Variants in RPS6KA1 observed in about 807,000 individuals in gnomAD.
RPS6KA1 encodes the protein ribosomal protein S6 kinase alpha-1.
Under a neutral mutation model 91.3 loss-of-function variants are expected in RPS6KA1, and 48 were observed. The ratio of observed to expected loss-of-function variants is 0.53; its 90% CI spans 0.42 to 0.67. The LOEUF is 0.67. Ranked by LOEUF, RPS6KA1 falls within the 30% of genes least tolerant of loss-of-function variation. RPS6KA1 has a pLI of 0.00. For missense variants in RPS6KA1, 719 were observed against 960.5 expected (o/e 0.75, Z 3.32); for synonymous variants, 359 against 384.7 (o/e 0.93, Z 0.78).
chr1:26,543,015 C>T (rs761325950), intron 2 of RPS6KA1: 35 of 836,892 alleles, frequency 4.2e-5, no homozygotes, highest in Non-Finnish European at 6.1e-5. Context: ...TATAGAGGAG[C>T]CTGACCCATC....
In RPS6KA1 at chr1:26,555,368, C is replaced by T; in HGVS notation, c.827+147C>T. The T allele has an allele frequency of 9.9e-7, 1 of 1,009,722 alleles. No individual in the cohort carries two copies. The allele number at this position is 1,009,722 out of a possible 1,614,324, so 62.5% of individuals were successfully genotyped here. ...GGTTAAACATTATACCTTCCAGAGC[C>T]CCTCTTTCATCCCTGGGGGCCTGTG... On this transcript the variant is annotated intron_variant, in intron 10 of 21. Transcript: ENST00000374168. The surrounding 1 kb of genome is among the most constrained non-coding windows in gnomAD (Gnocchi z 4.3).
intron 17 of RPS6KA1, among the ~76,000 whole-genome samples, chr1:26,564,553 C>T (rs376514469): frequency 1.2e-4 from 18 of 152,294 alleles, no homozygotes; most frequent in African/African-American, 3.6e-4. Flanking sequence ...CCACCGCGCC[C>T]GGCCACGCTG....
intron 20 of RPS6KA1, 37 bp from the exon 21 acceptor site, chr1:26,573,187 A>T (rs1300242565): frequency 6.2e-7 from 1 of 1,607,844 alleles, no homozygotes; most frequent in Non-Finnish European, 8.5e-7. Context: ...GCTCCCCTGC[A>T]GCCCTCCCCC....
At chr1:26,538,942 G>A (rs2075926379) in intron 2 of RPS6KA1, among the ~76,000 whole-genome samples, 2 of 152,304 alleles carry the variant, frequency 1.3e-5, no homozygotes, top group Admixed American at 1.3e-4. Flanking sequence ...CTGGCAATGG[G>A]CCACTTTATC....
At chr1:26,542,944 G>C (rs901188346) in intron 2 of RPS6KA1, among the ~76,000 whole-genome samples, 2 of 152,164 alleles carry the variant, frequency 1.3e-5, no homozygotes, top group Non-Finnish European at 2.9e-5. Context: ...GACATAGGGA[G>C]AGGTGTGCCC....
Position 26,546,048 on chromosome 1 carries a change from G to A in RPS6KA1, c.109-819G>A, listed in dbSNP as rs746203855. The A allele has an allele frequency of 8.7e-6, 14 of 1,610,542 alleles. No individual in the cohort carries two copies. In the East Asian group the frequency reaches 9.0e-5, roughly 10 times the overall value. On this transcript the variant is annotated intron_variant, in intron 2 of 21. Transcript: ENST00000374168. ...CCAGCGGGACTCGGTGAGTGTGCCC[G>A]AATGTCTGGTCCTGACCTGGCTGTG...
At position 26,574,736 on chromosome 1, in the gene RPS6KA1, G is replaced by C. The variant is rs2076281621; in HGVS notation, c.*535G>C. On this transcript the variant is annotated 3_prime_UTR_variant, in exon 22 of 22. Coordinates refer to ENST00000374168, the MANE Select transcript of RPS6KA1 (RefSeq NM_002953.4). The surrounding 1 kb of genome is among the most constrained non-coding windows in gnomAD (Gnocchi z 4.3). ...CCGTTCTGTTCTGCTGGGAGTTCTA[G>C]AACCACTTCCTGCTACAGGAGGGGT... 3.3e-6 allele frequency: 1 copy of C among 300,438 alleles called. No homozygotes were observed. The highest frequency in any genetic ancestry group is 6.6e-6 in the Non-Finnish European group (1 of 151,730). The allele number at this position is 300,438 out of a possible 1,614,324, so 18.6% of individuals were successfully genotyped here.
chr1:26,553,216 C>T (rs993889696), intron 6 of RPS6KA1, among the ~76,000 whole-genome samples, 175 bp from the exon 7 acceptor site: 1 of 152,090 alleles, frequency 6.6e-6, no homozygotes, highest in Non-Finnish European at 1.5e-5. Flanking sequence ...GAGTGGCTTG[C>T]GTATTAGTCA....
chr1:26,551,151 G>A lies in RPS6KA1; in HGVS notation c.308-246G>A, dbSNP rs191832227. ...GTGGGAAAAGGGACCAGAGAGATGG[G>A]CAGGGTGCCAAGGCCCCAGCTGTGG... On this transcript the variant is annotated intron_variant, in intron 4 of 21. Transcript: ENST00000374168. This position sits in a 1 kb window ranked among gnomAD's most constrained non-coding sequence, Gnocchi z 4.5. Among the ~76,000 whole-genome samples, 57 of 152,286 alleles carry A rather than the reference G, an allele frequency of 3.7e-4. No individual in the cohort carries two copies. The Middle Eastern group carries it at 0.014, about 36-fold the overall frequency.
chr1:26,569,562 T>TCTAC lies in RPS6KA1; in HGVS notation c.1591-1882_1591-1879dup, dbSNP rs2076232586. ...TGGAGGTGGACTGTGCTGGGCCATGTCTACCTACTCCACGGGCTCCACGGG... is the reference window on the plus strand; with the variant it reads ...TGGAGGTGGACTGTGCTGGGCCATGTCTACCTACCTACTCCACGGGCTCCACGGG... On this transcript the variant is annotated intron_variant, in intron 17 of 21. Transcript: ENST00000374168. Among the ~76,000 whole-genome samples the TCTAC allele has an allele frequency of 5.3e-5, 8 of 152,304 alleles. No homozygotes were observed. The South Asian group carries it at 1.7e-3, about 32-fold the overall frequency.
intron 14 of RPS6KA1, among the ~76,000 whole-genome samples, 167 bp from the exon 15 acceptor site, chr1:26,560,558 GC>G (rs1209784913): frequency 1.3e-5 from 2 of 152,194 alleles, no homozygotes; most frequent in African/African-American, 2.4e-5. Flanking sequence ...GAAAACTGAG[GC>G]CCAGAGAGGG....
chr1:26,543,172 C>T (rs1165125721), intron 2 of RPS6KA1: 1 of 1,535,614 alleles, frequency 6.5e-7, no homozygotes, highest in Non-Finnish European at 8.7e-7. Flanking sequence ...ATGCAGACCC[C>T]AGCAGATTTC....
intron 4 of RPS6KA1, among the ~76,000 whole-genome samples, chr1:26,549,347 G>A (rs1329092795): frequency 6.6e-6 from 1 of 151,944 alleles, no homozygotes; most frequent in Non-Finnish European, 1.5e-5. Flanking sequence ...AAGGTGGGTG[G>A]ATCATTTGAG....
chr1:26,537,286 T>C (rs1457528362), intron 2 of RPS6KA1, among the ~76,000 whole-genome samples: 1 of 152,152 alleles, frequency 6.6e-6, no homozygotes, highest in Admixed American at 6.5e-5. Flanking sequence ...TAAGGAGTGA[T>C]GGGAGGGGCT....
chr1:26,565,751 G>A (rs1465201418), intron 17 of RPS6KA1, among the ~76,000 whole-genome samples: 1 of 151,530 alleles, frequency 6.6e-6, no homozygotes, highest in African/African-American at 2.4e-5. Context: ...TAGTAGAGGC[G>A]GGATTTCACC....
chr1:26,548,808 A>G (rs1557497673), intron 4 of RPS6KA1, among the ~76,000 whole-genome samples: 1 of 152,016 alleles, frequency 6.6e-6, no homozygotes, highest in Admixed American at 6.6e-5. Flanking sequence ...TCAGAAAAAA[A>G]AAAAAAGAAA....
rs1408195216 is a variant in RPS6KA1, at chr1:26,554,172, G to A, written c.576-42G>A. Reference sequence around the variant, plus strand: ...CCTGTGGTAACACCATCACCCACACGGCCACAGCTGAGGGGCCCTGACCAC... The same window carrying A: ...CCTGTGGTAACACCATCACCCACACAGCCACAGCTGAGGGGCCCTGACCAC... On this transcript the variant is annotated intron_variant, in intron 7 of 21. Transcript: ENST00000374168. The surrounding 1 kb of genome is among the most constrained non-coding windows in gnomAD (Gnocchi z 4.6). 9.7e-6 allele frequency: 15 copies of A among 1,547,762 alleles called. No individual in the cohort carries two copies. The highest frequency in any genetic ancestry group is 7.3e-5 in the East Asian group (3 of 40,908).
rs369590434 is a variant in RPS6KA1, at chr1:26,547,444, C to A, written c.307+174C>A. The A allele has an allele frequency of 1.3e-5, 8 of 602,746 alleles. No homozygotes were observed. The highest frequency in any genetic ancestry group is 4.4e-4 in the Middle Eastern group (1 of 2,250). The allele number at this position is 602,746 out of a possible 1,614,324, so 37.3% of individuals were successfully genotyped here. ...TCCCTCGCCAGCCAATCCTCCTCCC[C>A]CTAAGCCAAGTGCTAGTGACTGGCT... On this transcript the variant is annotated intron_variant, in intron 4 of 21. Coordinates refer to ENST00000374168, the MANE Select transcript of RPS6KA1 (RefSeq NM_002953.4). This position sits in a 1 kb window ranked among gnomAD's most constrained non-coding sequence, Gnocchi z 4.1.
Position 26,561,285 on chromosome 1 carries a change from C to T in RPS6KA1, c.1431+151C>T. ...CTTGGTCCCTTCAGTCTGCCCATAC[C>T]CCAAGGGCCCTCCTTCAGACTCAGA... On this transcript the variant is annotated intron_variant, in intron 16 of 21. Transcript: ENST00000374168. This position sits in a 1 kb window ranked among gnomAD's most constrained non-coding sequence, Gnocchi z 5.7. The T allele has an allele frequency of 1.1e-6, 1 of 915,166 alleles. No individual in the cohort carries two copies. Among genetic ancestry groups the T allele is most frequent in the Non-Finnish European group, 1.7e-6 (1 of 595,708 alleles). The allele number at this position is 915,166 out of a possible 1,614,324, so 56.7% of individuals were successfully genotyped here. A position where few individuals can be genotyped will look rare whatever the true frequency, so the allele number is the denominator to read the frequency against.
Sources: gnomAD v4.1 joint callset for allele counts (sites outside exome capture counted in the v4.1 genomes callset) on GRCh38, gnomAD v4.1.1 for gene constraint, Gnocchi (gnomAD v3.1) non-coding constraint, MANE v1.5 for transcripts, NCBI Gene and HGNC (gene_info 2026-07-23, HGNC 2026-07-21) for gene names.